The following SCNN1B variants were observed in gnomAD, a reference collection of about 807,000 sequenced individuals.
The protein encoded by SCNN1B is sodium channel epithelial 1 subunit beta.
Under a neutral mutation model 65.3 loss-of-function variants are expected in SCNN1B, and 46 were observed. That is an observed-to-expected ratio of 0.70 (90% CI 0.56 to 0.90). The LOEUF is 0.90. SCNN1B is among the 40% of genes least tolerant of loss of function. The pLI is 0.00. For missense variants in SCNN1B, 751 were observed against 830.5 expected, an observed-to-expected ratio of 0.90 and a Z score of 1.18; for synonymous variants, 349 against 330.6, an observed-to-expected ratio of 1.06 and a Z score of -0.60.
intron 4 of SCNN1B, among the ~76,000 whole-genome samples, chr16:23,360,209 T>TAAATAAATAAAA (rs1567311364): frequency 3.3e-5 from 5 of 149,800 alleles, no homozygotes; most frequent in South Asian, 2.1e-4. Context: ...AAAAAATAAA[T>TAAATAAATAAAA]AAATAAATAA....
chr16:23,321,776 G>C (rs1489155357), intron 1 of SCNN1B, among the ~76,000 whole-genome samples: 1 of 152,208 alleles, frequency 6.6e-6, no homozygotes, highest in South Asian at 2.1e-4. Flanking sequence ...TAATCCCAGC[G>C]CTTTGGGAGT....
chr16:23,346,594 G>A (rs78665392), intron 1 of SCNN1B, among the ~76,000 whole-genome samples: 5,517 of 152,022 alleles, frequency 0.036, 290 homozygotes, highest in South Asian at 0.21. Context: ...GTTCTCTTGG[G>A]ATTGAAACCC....
chr16:23,289,067 C>T, intron 2 of SCNN1B, among the ~76,000 whole-genome samples: 1 of 152,150 alleles, frequency 6.6e-6, no homozygotes, highest in Non-Finnish European at 1.5e-5. Flanking sequence ...TTGCCATCTT[C>T]GATGATTAGA....
At chr16:23,299,094 C>T (rs1439627046), upstream of SCNN1B, among the ~76,000 whole-genome samples, 1 of 142,478 alleles carries the variant, frequency 7.0e-6, no homozygotes, top group Non-Finnish European at 1.5e-5. Context: ...GAGTCTCACT[C>T]TGTCACCCAG....
intron 2 of SCNN1B, among the ~76,000 whole-genome samples, chr16:23,293,742 C>T (rs896773466): frequency 6.6e-6 from 1 of 151,628 alleles, no homozygotes; most frequent in African/African-American, 2.4e-5. Context: ...GCCGGGGCAA[C>T]ATAGGGAGAC....
At chr16:23,288,555 G>A (rs1596807050) in intron 2 of SCNN1B, among the ~76,000 whole-genome samples, 1 of 152,176 alleles carries the variant, frequency 6.6e-6, no homozygotes. Context: ...GTAAATCTCA[G>A]CACTTTGGGA....
chr16:23,377,474 AG>A, intron 10 of SCNN1B, 88 bp downstream of exon 10: 1 of 1,257,100 alleles, frequency 8.0e-7, no homozygotes. Context: ...GGAAATTTGA[AG>A]GGGGTGCCTT....
chr16:23,303,596 A>C (rs1402455637), intron 1 of SCNN1B, among the ~76,000 whole-genome samples: 3 of 152,140 alleles, frequency 2.0e-5, no homozygotes, highest in Non-Finnish European at 2.9e-5. Context: ...ATATATACAG[A>C]GCCATAGAAA....
At chr16:23,298,798 A>G (rs1032315530), upstream of SCNN1B, among the ~76,000 whole-genome samples, 2 of 152,218 alleles carry the variant, frequency 1.3e-5, no homozygotes, top group Non-Finnish European at 2.9e-5. Flanking sequence ...TTAAACATTC[A>G]TGCCTTAAAA....
chr16:23,368,022 C>A, intron 5 of SCNN1B, 63 bp downstream of exon 5: 27 of 1,252,978 alleles, frequency 2.2e-5, no homozygotes, highest in Middle Eastern at 3.7e-4. Context: ...CAATGTGGGA[C>A]TGAAAGACCA....
chr16:23,377,507 TTC>T lies in SCNN1B; in HGVS notation c.1404+125_1404+126del, dbSNP rs1962926147. 5.0e-6 allele frequency: 4 copies of T among 805,448 alleles called. No homozygotes were observed. The South Asian group carries it at 5.7e-5, about 12-fold the overall frequency. 49.9% of individuals were successfully genotyped at this position (805,448 alleles called of 1,614,324 possible). ...CCTTTTTCCCTCCCTCCTTCCTTCC[TTC>T]TCTGTTTCCCTCCTTCCTTCCTTCT... On this transcript the variant is annotated intron_variant, in intron 10 of 12. Transcript: ENST00000343070.
At chr16:23,355,542 G>A (rs996787783) in intron 4 of SCNN1B, 53 bp downstream of exon 4, 2 of 1,579,554 alleles carry the variant, frequency 1.3e-6, no homozygotes, top group South Asian at 1.1e-5. Context: ...AGAGACAGTG[G>A]CATGTTACGG....
At chr16:23,350,852 G>A (rs570739684) in intron 2 of SCNN1B, among the ~76,000 whole-genome samples, 20 of 152,090 alleles carry the variant, frequency 1.3e-4, no homozygotes, top group Admixed American at 2.6e-4. Context: ...GGTGGAGGTT[G>A]CAGTGAGCCG....
intron 1 of SCNN1B, among the ~76,000 whole-genome samples, chr16:23,306,849 G>A (rs1188961201): frequency 2.0e-5 from 3 of 152,208 alleles, no homozygotes; most frequent in Non-Finnish European, 4.4e-5. Flanking sequence ...AGATGTAACT[G>A]GAGATTGAGA....
At chr16:23,354,948 C>A (rs575678637) in intron 3 of SCNN1B, among the ~76,000 whole-genome samples, 1 of 152,134 alleles carries the variant, frequency 6.6e-6, no homozygotes, top group Admixed American at 6.5e-5. Context: ...AGTCACCCTC[C>A]CTTGAACGAG....
intron 4 of SCNN1B, among the ~76,000 whole-genome samples, chr16:23,359,634 C>G (rs536976168): frequency 3.9e-5 from 6 of 152,252 alleles, no homozygotes; most frequent in Admixed American, 1.3e-4. Context: ...ATCCTGTCCC[C>G]CTCCTAACAT....
intron 1 of SCNN1B, among the ~76,000 whole-genome samples, chr16:23,326,985 T>C (rs990108111): frequency 1.3e-5 from 2 of 152,150 alleles, no homozygotes; most frequent in Admixed American, 6.6e-5. Flanking sequence ...GGTGCAATCA[T>C]AGCTCACCAC....
At chr16:23,352,320 C>T (rs1326595256) in intron 2 of SCNN1B, among the ~76,000 whole-genome samples, 1 of 152,170 alleles carries the variant, frequency 6.6e-6, no homozygotes, top group East Asian at 1.9e-4. Context: ...TCTTCTTATA[C>T]ATAGTGGCAG....
intron 10 of SCNN1B, among the ~76,000 whole-genome samples, chr16:23,378,443 A>T (rs1357909736): frequency 6.6e-6 from 1 of 152,162 alleles, no homozygotes; most frequent in East Asian, 1.9e-4. Flanking sequence ...GGGAGCAGGA[A>T]GTGTGAGGAC....
Sources: allele counts gnomAD v4.1 joint callset (sites outside exome capture counted in the v4.1 genomes callset), GRCh38; gene constraint gnomAD v4.1.1; transcripts MANE v1.5; gene names NCBI Gene and HGNC (gene_info 2026-07-23, HGNC 2026-07-21).